Variants in AFP observed in about 807,000 individuals in gnomAD.
AFP encodes alpha fetoprotein.
In AFP, 64 loss-of-function variants were observed where a neutral mutation model predicts 78.9. The ratio of observed to expected loss-of-function variants is 0.81; its 90% confidence interval spans 0.66 to 1.00. The LOEUF is 1.00. Ranked by LOEUF, AFP falls within the 50% of genes least tolerant of loss-of-function variation. The pLI is 0.00. For synonymous variants in AFP, 254 were observed against 243.8 expected (o/e 1.04, Z -0.39); for missense variants, 689 against 703.8 (o/e 0.98, Z 0.24).
chr4:73,441,950 C>T (rs905060786), intron 4 of AFP, among the ~76,000 whole-genome samples: 10 of 152,180 alleles, frequency 6.6e-5, no homozygotes, highest in African/African-American at 2.4e-4. Context: ...TTGCACTTAG[C>T]AGAAGTCTGG....
chr4:73,454,323 A>G (rs1028210195), intron 13 of AFP, among the ~76,000 whole-genome samples: 5 of 152,068 alleles, frequency 3.3e-5, no homozygotes, highest in African/African-American at 1.2e-4. Context: ...TTGCTTTTGT[A>G]CATCAACAGA....
chr4:73,450,714 A>G lies in AFP; in HGVS notation c.1389A>G (p.Gln463=), dbSNP rs145185829. Residue 463 remains glutamine (Q), a synonymous_variant, in exon 11 of 15, where the codon CAA becomes CAG. Coordinates refer to ENST00000395792, the MANE Select transcript of AFP (RefSeq NM_001134.3). ...KMAATAATCC[Q]LSEDKLLACG... ...CAGCCACAGCAGCCACTTGTTGCCA[A>G]CTCAGTGAGGACAAACTATTGGCCT... is the stretch of plus-strand genomic sequence containing the variant. 368 of 1,614,054 alleles carry G rather than the reference A, an allele frequency of 2.3e-4. No homozygotes were observed. The highest frequency in any genetic ancestry group is 6.0e-4 in the Admixed American group (36 of 59,998).
chr4:73,442,166 A>C, intron 4 of AFP, 130 bp from the exon 5 acceptor site: 4 of 990,850 alleles, frequency 4.0e-6, no homozygotes, highest in Non-Finnish European at 6.1e-6. Flanking sequence ...GAACACAGTA[A>C]AGACAAAGTC....
intron 12 of AFP, among the ~76,000 whole-genome samples, chr4:73,452,876 T>C (rs1720045213): frequency 6.6e-6 from 1 of 152,190 alleles, no homozygotes; most frequent in Non-Finnish European, 1.5e-5. Flanking sequence ...GTTATTGTGA[T>C]ATGTATTTGG....
chr4:73,455,381 T>C (rs1251867052), intron 14 of AFP, 91 bp downstream of exon 14: 11 of 1,082,932 alleles, frequency 1.0e-5, no homozygotes, highest in Non-Finnish European at 1.5e-5. Flanking sequence ...GTGCCATTAA[T>C]TCTCTTAAAA....
At chr4:73,453,734 C>T in intron 12 of AFP, 31 bp from the exon 13 acceptor site, 1 of 1,610,364 alleles carries the variant, frequency 6.2e-7, no homozygotes, top group Non-Finnish European at 8.5e-7. Flanking sequence ...TAACAGACTT[C>T]TCTTGTATTT....
At chr4:73,440,476 A>T in intron 3 of AFP, 126 bp from the exon 4 acceptor site, 1 of 783,934 alleles carries the variant, frequency 1.3e-6, no homozygotes, top group Non-Finnish European at 2.1e-6. Context: ...ATACATTAGA[A>T]TTTGTATGGA....
intron 12 of AFP, 66 bp from the exon 13 acceptor site, chr4:73,453,699 A>G: frequency 6.3e-7 from 1 of 1,577,696 alleles, no homozygotes; most frequent in East Asian, 2.3e-5. Flanking sequence ...CTCTACTAGG[A>G]AGGCTGTAGA....
Position 73,450,151 on chromosome 4 carries a change from G to T in AFP, c.1289+18G>T. 1.9e-6 allele frequency: 3 copies of T among 1,550,878 alleles called. No homozygotes were observed. The highest frequency in any genetic ancestry group is 2.7e-6 in the Non-Finnish European group (3 of 1,125,090). ...CAAAATGCGTATGTTTTTGTAAACA[G>T]TATTTTTAGTGAATTAAAATTATTA... On this transcript the variant is annotated intron_variant, in intron 10 of 14. Transcript: ENST00000395792.
intron 4 of AFP, among the ~76,000 whole-genome samples, chr4:73,441,128 T>G (rs775998228): frequency 2.0e-5 from 3 of 151,976 alleles, no homozygotes; most frequent in Non-Finnish European, 4.4e-5. Context: ...CAAGAATATA[T>G]TAGTATTGCA....
chr4:73,447,317 C>A, intron 7 of AFP, 145 bp from the exon 8 acceptor site: 3 of 395,282 alleles, frequency 7.6e-6, no homozygotes, highest in Admixed American at 8.9e-5. Context: ...TTTCCCTTTC[C>A]CCTTCCTTCT....
intron 4 of AFP, 120 bp downstream of exon 4, chr4:73,440,933 T>G (rs898647345): frequency 6.7e-5 from 67 of 1,001,102 alleles, no homozygotes; most frequent in Admixed American, 4.3e-4. Context: ...TTCTTTGGTG[T>G]TGTGTCTGCT....
chr4:73,455,375 C>G, intron 14 of AFP, 85 bp downstream of exon 14: 1 of 1,100,586 alleles, frequency 9.1e-7, no homozygotes, highest in South Asian at 1.3e-5. Flanking sequence ...TGAGGAGTGC[C>G]ATTAATTCTC....
At chr4:73,450,495 A>C in intron 10 of AFP, 120 bp from the exon 11 acceptor site, 1 of 1,464,968 alleles carries the variant, frequency 6.8e-7, no homozygotes, top group Non-Finnish European at 9.4e-7. Context: ...CATGTAGATG[A>C]AACAAACGAG....
intron 4 of AFP, among the ~76,000 whole-genome samples, chr4:73,441,411 A>G (rs1186352060): frequency 6.6e-6 from 1 of 150,636 alleles, no homozygotes; most frequent in Non-Finnish European, 1.5e-5. Flanking sequence ...CTAAAAATAC[A>G]AAAAAAATTA....
At chr4:73,436,818 G>C (rs183589626) in intron 1 of AFP, among the ~76,000 whole-genome samples, 82 of 151,832 alleles carry the variant, frequency 5.4e-4, no homozygotes, top group Middle Eastern at 3.4e-3. Context: ...ATGGCAAACC[G>C]TAGTATAACT....
chr4:73,451,810 A>T (rs1720000333), intron 11 of AFP, among the ~76,000 whole-genome samples: 1 of 152,244 alleles, frequency 6.6e-6, no homozygotes, highest in South Asian at 2.1e-4. Context: ...AGTGCACACA[A>T]AACATATTAT....
intron 3 of AFP, among the ~76,000 whole-genome samples, chr4:73,439,279 G>A (rs1370994794): frequency 6.6e-6 from 1 of 151,996 alleles, no homozygotes; most frequent in Non-Finnish European, 1.5e-5. Context: ...TGTTATGGTG[G>A]GGTTAATTAG....
intron 7 of AFP, 152 bp from the exon 8 acceptor site, chr4:73,447,310 C>T (rs1177819546): frequency 8.6e-6 from 4 of 466,344 alleles, no homozygotes; most frequent in South Asian, 3.4e-5. Flanking sequence ...CTCTCTATTT[C>T]CCTTTCCCCT....
Sources: gnomAD v4.1 joint callset for allele counts (sites outside exome capture counted in the v4.1 genomes callset) on GRCh38, gnomAD v4.1.1 for gene constraint, MANE v1.5 for transcripts, NCBI Gene and HGNC (gene_info 2026-07-23, HGNC 2026-07-21) for gene names.